Variants in PPP1R42 observed in about 807,000 individuals in gnomAD.
The protein encoded by PPP1R42 is leucine rich repeat containing 67.
PPP1R42 carries 34 observed loss-of-function variants against 31.0 expected under a neutral mutation model. The observed-to-expected ratio is 1.10, with a 90% CI of 0.83 to 1.46. PPP1R42 has a LOEUF of 1.46. Ranked by LOEUF, PPP1R42 falls within the 40% of genes most tolerant of loss-of-function variation. PPP1R42 has a pLI of 0.00. For missense variants in PPP1R42, 268 were observed against 303.0 expected, an observed-to-expected ratio of 0.88 and a Z score of 0.86; for synonymous variants, 103 against 109.8, an observed-to-expected ratio of 0.94 and a Z score of 0.39.
At chr8:66,984,012 T>G (rs907242816) in intron 6 of PPP1R42, 10 of 1,004,370 alleles carry the variant, frequency 1.0e-5, no homozygotes, top group Non-Finnish European at 1.5e-5. Context: ...TCTCCCTTTG[T>G]CCCAATGTCT....
At chr8:66,985,290 T>G (rs1359296806) in intron 6 of PPP1R42, 15 of 890,938 alleles carry the variant, frequency 1.7e-5, no homozygotes, top group Non-Finnish European at 2.4e-5. Context: ...AGACTCGGGG[T>G]CAAAAAAGGT....
intron 5 of PPP1R42, among the ~76,000 whole-genome samples, chr8:66,991,289 A>C (rs955634166): frequency 6.6e-6 from 1 of 152,254 alleles, no homozygotes; most frequent in Non-Finnish European, 1.5e-5. Context: ...TCATGGCTCA[A>C]CTTAGCCTCA....
At chr8:66,979,323 A>T (rs1814763273) in intron 7 of PPP1R42, among the ~76,000 whole-genome samples, 1 of 152,182 alleles carries the variant, frequency 6.6e-6, no homozygotes, top group East Asian at 1.9e-4. Context: ...GCTTGAGCCG[A>T]GGATTTCAAG....
chr8:66,990,325 TTTG>T (rs1294019981), intron 5 of PPP1R42, among the ~76,000 whole-genome samples: 1 of 152,138 alleles, frequency 6.6e-6, no homozygotes, highest in African/African-American at 2.4e-5. Flanking sequence ...TGCTTAGAGT[TTTG>T]TTAATTGTTC....
At chr8:67,009,333 C>T (rs887054574) in intron 5 of PPP1R42, among the ~76,000 whole-genome samples, 12 of 151,798 alleles carry the variant, frequency 7.9e-5, no homozygotes, top group Admixed American at 3.9e-4. Flanking sequence ...TTTGGGGGGC[C>T]GAGGTGGGCA....
intron 7 of PPP1R42, among the ~76,000 whole-genome samples, chr8:66,971,462 G>T (rs1003937441): frequency 1.3e-5 from 2 of 152,118 alleles, no homozygotes; most frequent in East Asian, 3.9e-4. Context: ...AATTAATCGT[G>T]TATCGTTTTG....
intron 7 of PPP1R42, among the ~76,000 whole-genome samples, chr8:66,981,444 A>G (rs1039417086): frequency 2.3e-4 from 35 of 150,590 alleles, no homozygotes; most frequent in Admixed American, 6.0e-4. Context: ...CAATGGCGCA[A>G]TCTCGGCTCA....
At chr8:67,024,437 C>T (rs572808870) in intron 1 of PPP1R42, among the ~76,000 whole-genome samples, 2 of 151,744 alleles carry the variant, frequency 1.3e-5, no homozygotes, top group East Asian at 1.9e-4. Flanking sequence ...CTCAGTCTCC[C>T]GAGTAGCTCA....
At chr8:66,988,013 C>T in intron 6 of PPP1R42, 1 of 394,544 alleles carries the variant, frequency 2.5e-6, no homozygotes, top group Non-Finnish European at 3.5e-6. Context: ...TGGCAAATGT[C>T]AAGCAATGAA....
chr8:67,027,593 T>A (rs888045541), intron 1 of PPP1R42, among the ~76,000 whole-genome samples: 2 of 152,230 alleles, frequency 1.3e-5, no homozygotes, highest in African/African-American at 4.8e-5. Context: ...CCACCATTCA[T>A]CTTGTTAAAA....
At chr8:67,020,554 T>TTA (rs1163835419) in intron 1 of PPP1R42, among the ~76,000 whole-genome samples, 1 of 152,182 alleles carries the variant, frequency 6.6e-6, no homozygotes, top group Non-Finnish European at 1.5e-5. Context: ...CTTCATCACT[T>TTA]ACTAGTTAGG....
At chr8:66,971,148 A>G (rs1174117378) in intron 7 of PPP1R42, 2 of 1,479,812 alleles carry the variant, frequency 1.4e-6, no homozygotes, top group Non-Finnish European at 1.8e-6. Flanking sequence ...TACCTGTAGC[A>G]CACAAAGAAA....
chr8:66,972,816 A>G (rs1159376199), intron 7 of PPP1R42, among the ~76,000 whole-genome samples: 1 of 152,166 alleles, frequency 6.6e-6, no homozygotes, highest in African/African-American at 2.4e-5. Flanking sequence ...TACATATCAC[A>G]TATTTCCACA....
chr8:67,026,814 A>G lies in PPP1R42; in HGVS notation c.-85+1677T>C, dbSNP rs538869890. 3 of 152,284 alleles carry G rather than the reference A, an allele frequency of 2.0e-5. No individual in the cohort carries two copies. In the South Asian group the frequency reaches 6.2e-4, roughly 32 times the overall value. 9.4% of individuals were successfully genotyped at this position (152,284 alleles called of 1,614,324 possible). On this transcript the variant is annotated intron_variant, in intron 1 of 7. Transcript: ENST00000685739. Reference sequence around the variant, plus strand: ...GCCACTGCACTTCAGCCTGGGAAACAGAGCATGAACCTGTCTCAAAACAAA... The same window carrying G: ...GCCACTGCACTTCAGCCTGGGAAACGGAGCATGAACCTGTCTCAAAACAAA...
intron 5 of PPP1R42, among the ~76,000 whole-genome samples, chr8:67,005,639 C>A (rs970606128): frequency 3.9e-5 from 6 of 152,126 alleles, no homozygotes; most frequent in Admixed American, 6.5e-5. Context: ...ATCCTGATTC[C>A]TTCCCTTCCT....
chr8:66,965,419 T>C (rs1363135739), intron 7 of PPP1R42, among the ~76,000 whole-genome samples: 1 of 151,876 alleles, frequency 6.6e-6, no homozygotes, highest in Non-Finnish European at 1.5e-5. Context: ...CTAGAAGTGT[T>C]AAATGTATGT....
chr8:67,023,387 G>A (rs1484691132), intron 1 of PPP1R42, among the ~76,000 whole-genome samples: 1 of 152,144 alleles, frequency 6.6e-6, no homozygotes, highest in African/African-American at 2.4e-5. Flanking sequence ...TGGGATTGCA[G>A]GCATGAGCCA....
At chr8:66,989,869 G>C (rs1017209232) in intron 5 of PPP1R42, among the ~76,000 whole-genome samples, 2 of 152,096 alleles carry the variant, frequency 1.3e-5, no homozygotes, top group African/African-American at 2.4e-5. Context: ...AGTTGCCATG[G>C]CATATAAAGT....
chr8:66,991,177 T>A (rs1464085420), intron 5 of PPP1R42, among the ~76,000 whole-genome samples: 1 of 152,186 alleles, frequency 6.6e-6, no homozygotes, highest in African/African-American at 2.4e-5. Flanking sequence ...AGGTAAAGAT[T>A]AAACTTTTTT....
Sources: gnomAD v4.1 joint callset for allele counts (sites outside exome capture counted in the v4.1 genomes callset) on GRCh38, gnomAD v4.1.1 for gene constraint, MANE v1.5 for transcripts, NCBI Gene and HGNC (gene_info 2026-07-23, HGNC 2026-07-21) for gene names.